Variants in VWC2 observed in about 807,000 individuals in gnomAD.
VWC2 encodes von Willebrand factor C domain containing 2, also known as brorin.
VWC2 carries 14 observed loss-of-function variants against 29.8 expected under a neutral mutation model. That is an observed-to-expected ratio of 0.47 (90% CI 0.31 to 0.74). VWC2 has a LOEUF of 0.74. Ranked by LOEUF, VWC2 falls within the 30% of genes least tolerant of loss-of-function variation. VWC2 has a pLI of 0.05. For missense variants in VWC2, 457 were observed against 459.8 expected (o/e 0.99, Z 0.05); for synonymous variants, 213 against 199.0 (o/e 1.07, Z -0.59).
chr7:49,896,036 C>T (rs968310378), intron 3 of VWC2, among the ~76,000 whole-genome samples: 2 of 152,146 alleles, frequency 1.3e-5, no homozygotes, highest in East Asian at 1.9e-4. Context: ...TTAAAGTAAA[C>T]GTTTAATGAA....
intron 3 of VWC2, among the ~76,000 whole-genome samples, chr7:49,897,045 G>A (rs888550929): frequency 5.9e-4 from 89 of 151,934 alleles, no homozygotes; most frequent in Middle Eastern, 3.4e-3. Flanking sequence ...ACAGGCGCCC[G>A]CCACCTCGCC....
chr7:49,790,059 G>C (rs1475298882), intron 2 of VWC2, among the ~76,000 whole-genome samples: 4 of 152,222 alleles, frequency 2.6e-5, no homozygotes, highest in African/African-American at 9.6e-5. Context: ...CAAAGAAGGA[G>C]GTCTTCCTCA....
chr7:49,815,298 A>G (rs1383649974), intron 3 of VWC2, among the ~76,000 whole-genome samples: 4 of 152,150 alleles, frequency 2.6e-5, no homozygotes, highest in African/African-American at 9.7e-5. Flanking sequence ...AGTGAGTAAT[A>G]CTGCAGTAAG....
At chr7:49,836,696 C>A (rs1165016337) in intron 3 of VWC2, among the ~76,000 whole-genome samples, 5 of 151,576 alleles carry the variant, frequency 3.3e-5, no homozygotes, top group African/African-American at 1.2e-4. Context: ...AAAATCTATA[C>A]CTAGGTGTGC....
chr7:49,799,578 G>A (rs1788687036), intron 2 of VWC2, among the ~76,000 whole-genome samples: 1 of 152,234 alleles, frequency 6.6e-6, no homozygotes, highest in Non-Finnish European at 1.5e-5. Context: ...GCAGATGTAG[G>A]TGGTAGGAGG....
intron 3 of VWC2, among the ~76,000 whole-genome samples, chr7:49,851,854 TAA>T (rs77423510): frequency 3.7e-5 from 5 of 136,324 alleles, no homozygotes; most frequent in Admixed American, 7.3e-5. Context: ...AGACTCTGTC[TAA>T]AAAAAAAAAA....
intron 3 of VWC2, among the ~76,000 whole-genome samples, chr7:49,820,348 G>A (rs562954562): frequency 6.6e-6 from 1 of 152,102 alleles, no homozygotes; most frequent in Non-Finnish European, 1.5e-5. Flanking sequence ...GAATAATGAA[G>A]ATGCTAAGAC....
intron 2 of VWC2, among the ~76,000 whole-genome samples, chr7:49,791,153 C>G (rs1788455492): frequency 6.6e-6 from 1 of 152,162 alleles, no homozygotes; most frequent in African/African-American, 2.4e-5. Context: ...TACAGGTTAT[C>G]AGAAGCTAGT....
intron 2 of VWC2, among the ~76,000 whole-genome samples, chr7:49,780,992 A>G (rs1788163102): frequency 6.6e-6 from 1 of 152,252 alleles, no homozygotes; most frequent in African/African-American, 2.4e-5. Context: ...AGTGCCAGCA[A>G]AGAGAAAGCT....
intron 3 of VWC2, among the ~76,000 whole-genome samples, chr7:49,893,669 C>T (rs1253919080): frequency 1.3e-5 from 2 of 150,756 alleles, no homozygotes; most frequent in Admixed American, 1.3e-4. Context: ...AGACCAGTAC[C>T]CTGTGAAACT....
intron 3 of VWC2, among the ~76,000 whole-genome samples, chr7:49,859,483 AT>A (rs930550817): frequency 1.3e-5 from 2 of 151,806 alleles, no homozygotes; most frequent in Non-Finnish European, 2.9e-5. Flanking sequence ...GGGAAATCTG[AT>A]TTTTTTTCTT....
At chr7:49,823,080 CA>C (rs1409640240) in intron 3 of VWC2, among the ~76,000 whole-genome samples, 1 of 152,220 alleles carries the variant, frequency 6.6e-6, no homozygotes, top group Non-Finnish European at 1.5e-5. Context: ...AACTGTCAAA[CA>C]GTTTTCCAAA....
At chr7:49,890,271 T>C (rs1792073330) in intron 3 of VWC2, among the ~76,000 whole-genome samples, 1 of 152,228 alleles carries the variant, frequency 6.6e-6, no homozygotes. Flanking sequence ...AATTCTATTA[T>C]ATAAATTATA....
rs538918213 is a variant in VWC2, at chr7:49,864,932, G to A, written c.827-47102G>A. Among the ~76,000 whole-genome samples, 7 of 152,296 alleles carry A rather than the reference G, an allele frequency of 4.6e-5. No homozygotes were observed. In the South Asian group the frequency reaches 1.5e-3, roughly 32 times the overall value. ...TTTGACTGTTTTCCACGTTTCTAAT[G>A]AAGCTGGTTCTGACAGTTCCTGTTT... is the stretch of plus-strand genomic sequence containing the variant. On this transcript the variant is annotated intron_variant, in intron 3 of 3. Coordinates refer to ENST00000340652, the MANE Select transcript of VWC2 (RefSeq NM_198570.5).
chr7:49,795,142 G>T (rs1479320036), intron 2 of VWC2, among the ~76,000 whole-genome samples: 1 of 152,180 alleles, frequency 6.6e-6, no homozygotes, highest in Admixed American at 6.5e-5. Flanking sequence ...CTGGGTTGTT[G>T]ATACAATTTG....
intron 3 of VWC2, among the ~76,000 whole-genome samples, chr7:49,845,254 C>A (rs1172054053): frequency 2.0e-5 from 3 of 151,268 alleles, no homozygotes; most frequent in Non-Finnish European, 4.4e-5. Flanking sequence ...AACAAACCTG[C>A]ATACACTGCA....
rs1451426817 is a variant in VWC2, at chr7:49,921,315, G to A, written c.*9130G>A. On this transcript the variant is annotated 3_prime_UTR_variant, in exon 4 of 4. Coordinates refer to ENST00000340652, the MANE Select transcript of VWC2 (RefSeq NM_198570.5). The stretch of plus-strand genomic sequence containing the variant: ...GGTGAGTTGTTCCCATCCCTGGCCT[G>A]AGCCTTACTCCATAGCTATAGAGAC... The A allele has an allele frequency of 6.6e-6, 1 of 152,194 alleles. No individual in the cohort carries two copies. Among genetic ancestry groups the A allele is most frequent in the Admixed American group, 6.5e-5 (1 of 15,280 alleles). The allele number at this position is 152,194 out of a possible 1,614,324, so 9.4% of individuals were successfully genotyped here.
At chr7:49,805,588 T>C (rs1158268133) in intron 3 of VWC2, among the ~76,000 whole-genome samples, 1 of 152,086 alleles carries the variant, frequency 6.6e-6, no homozygotes, top group African/African-American at 2.4e-5. Context: ...GCTTGAAAAA[T>C]GAAAACAGTT....
At chr7:49,786,263 C>T (rs1788294675) in intron 2 of VWC2, among the ~76,000 whole-genome samples, 1 of 152,228 alleles carries the variant, frequency 6.6e-6, no homozygotes, top group Admixed American at 6.5e-5. Context: ...CATTAATTCA[C>T]TTAGGGTAGT....
Sources: allele counts gnomAD v4.1 joint callset (sites outside exome capture counted in the v4.1 genomes callset), GRCh38; gene constraint gnomAD v4.1.1; transcripts MANE v1.5; gene names NCBI Gene and HGNC (gene_info 2026-07-23, HGNC 2026-07-21).